CCDC197: variants seen among roughly 807,000 people sequenced by gnomAD.
CCDC197 encodes coiled-coil domain containing 197, also known as uncharacterized protein CCDC197.
In CCDC197, 24 loss-of-function variants were observed where a neutral mutation model predicts 13.4. The observed-to-expected ratio is 1.80, with a 90% CI of 1.30 to 2.53. CCDC197 has a LOEUF of 2.53. CCDC197 is among the 30% of genes most tolerant of loss of function. The pLI is 0.00. For synonymous variants in CCDC197, 99 were observed against 55.5 expected (o/e 1.78, Z -3.48); for missense variants, 255 against 148.8 (o/e 1.71, Z -3.71).
chr14:93,993,583 G>T (rs987282500), upstream of CCDC197, among the ~76,000 whole-genome samples: 2 of 152,244 alleles, frequency 1.3e-5, no homozygotes, highest in South Asian at 4.1e-4. Flanking sequence ...CTGAGGAAGG[G>T]CCGGCCTTGG....
In CCDC197 at chr14:94,003,548, GAC is replaced by G. The variant is rs34402816; in HGVS notation, c.498+200_498+201del. 0.22 allele frequency among the ~76,000 whole-genome samples: 32,529 copies of G among 148,460 alleles called. 4,200 individuals are homozygous for G. The highest frequency in any genetic ancestry group is 0.39 in the East Asian group (2,004 of 5,136). On this transcript the variant is annotated intron_variant, in intron 5 of 6. Transcript: ENST00000636493. This position sits in a 1 kb window ranked among gnomAD's most constrained non-coding sequence, Gnocchi z 5.0. Reference sequence around the variant, plus strand: ...AGACATAGTCACAGCCAGACACATAGACACACAGACACAACCAGACATATAGA... The same window carrying G: ...AGACATAGTCACAGCCAGACACATAGACACAGACACAACCAGACATATAGA...
At position 94,003,498 on chromosome 14, in the gene CCDC197, C is replaced by T. The variant is rs1890594144; in HGVS notation, c.498+144C>T. 1 of 619,796 alleles carries T rather than the reference C, an allele frequency of 1.6e-6. No homozygotes were observed. Among genetic ancestry groups the T allele is most frequent in the African/African-American group, 1.8e-5 (1 of 55,052 alleles). 38.4% of individuals were successfully genotyped at this position (619,796 alleles called of 1,614,324 possible). A position where few individuals can be genotyped will look rare whatever the true frequency, so the allele number is the denominator to read the frequency against. On this transcript the variant is annotated intron_variant, in intron 5 of 6. Transcript: ENST00000636493. This position sits in a 1 kb window ranked among gnomAD's most constrained non-coding sequence, Gnocchi z 5.0. ...CCAGACACATAGACACACAGGCACA[C>T]ACACAGCCAGACACACACACCCACA...
chr14:94,008,578 T>C (rs1253830048), intron 6 of CCDC197, 31 bp from the exon 7 acceptor site: 2 of 693,622 alleles, frequency 2.9e-6, no homozygotes, highest in Non-Finnish European at 2.7e-6. Flanking sequence ...GCCAAAACAC[T>C]GTCAGGTGAG....
chr14:93,988,021 G>A (rs1195769142), intron 1 of CCDC197, among the ~76,000 whole-genome samples: 1 of 131,352 alleles, frequency 7.6e-6, no homozygotes, highest in African/African-American at 3.0e-5. Flanking sequence ...AGTGAGAGGA[G>A]GGGTGAGGCC....
intron 6 of CCDC197, among the ~76,000 whole-genome samples, chr14:94,008,246 A>G (rs1350657841): frequency 6.6e-6 from 1 of 152,208 alleles, no homozygotes; most frequent in Non-Finnish European, 1.5e-5. Context: ...CAGGAGATGG[A>G]GGCCCATCTG....
chr14:94,003,613 A>G lies in CCDC197; in HGVS notation c.498+259A>G, dbSNP rs1294339058. 2.2e-5 allele frequency among the ~76,000 whole-genome samples: 2 copies of G among 89,544 alleles called. No homozygotes were observed. The highest frequency in any genetic ancestry group is 6.2e-5 in the African/African-American group (2 of 32,216). 58.7% of individuals were successfully genotyped at this position (89,544 alleles called of 152,430 possible). A position where few individuals can be genotyped will look rare whatever the true frequency, so the allele number is the denominator to read the frequency against. Reference sequence around the variant, plus strand: ...GACACATACACACAAATGCACAGACACACACAGACACACACACAGACATGC... The same window carrying G: ...GACACATACACACAAATGCACAGACGCACACAGACACACACACAGACATGC... On this transcript the variant is annotated intron_variant, in intron 5 of 6. Coordinates refer to ENST00000636493, the MANE Select transcript of CCDC197 (RefSeq NM_001351596.2). The surrounding 1 kb of genome is among the most constrained non-coding windows in gnomAD (Gnocchi z 5.0).
At chr14:93,998,856 C>G (rs1890402392) in intron 2 of CCDC197, among the ~76,000 whole-genome samples, 2 of 152,192 alleles carry the variant, frequency 1.3e-5, no homozygotes, top group Admixed American at 1.3e-4. Context: ...CCCAGAGAAG[C>G]AGAGGGGCTT....
downstream of CCDC197, among the ~76,000 whole-genome samples, chr14:94,009,606 G>A (rs1160069586): frequency 6.6e-6 from 1 of 152,168 alleles, no homozygotes; most frequent in Non-Finnish European, 1.5e-5. Flanking sequence ...GCACACACCT[G>A]TGATTCCAGC....
chr14:94,004,417 C>T (rs908930847), intron 5 of CCDC197, among the ~76,000 whole-genome samples: 1 of 152,122 alleles, frequency 6.6e-6, no homozygotes, highest in African/African-American at 2.4e-5. Flanking sequence ...GGGCTATTGG[C>T]TGCTGACCTC....
At chr14:94,000,361 A>G (rs1397152768) in intron 3 of CCDC197, among the ~76,000 whole-genome samples, 4 of 152,186 alleles carry the variant, frequency 2.6e-5, no homozygotes, top group African/African-American at 7.2e-5. Flanking sequence ...CACTGGGCTC[A>G]GACTCTGGTC....
chr14:93,990,766 G>T (rs995012172), intron 1 of CCDC197, among the ~76,000 whole-genome samples: 1 of 152,228 alleles, frequency 6.6e-6, no homozygotes, highest in African/African-American at 2.4e-5. Context: ...GCAGAAAAAG[G>T]CCACAGATGC....
chr14:94,004,956 G>T lies in CCDC197; in HGVS notation c.600G>T (p.Lys200Asn), dbSNP rs760854707. 4 of 702,698 alleles carry T rather than the reference G, an allele frequency of 5.7e-6. No individual in the cohort carries two copies. The highest frequency in any genetic ancestry group is 1.0e-5 in the Non-Finnish European group (4 of 384,898). The allele number at this position is 702,698 out of a possible 1,614,324, so 43.5% of individuals were successfully genotyped here. The change falls in exon 6 of 7, where the codon AAG (lysine) becomes AAT (asparagine). Residue 200 changes from lysine to asparagine, a missense_variant. Lys to Asn is a moderately conservative substitution (Grantham distance 94). Transcript: ENST00000636493. ...GVPKSMDLFS[K>N]LDLIKEFMLD... is the part of the protein sequence containing the mutation. ...CCAAGAGCATGGATCTCTTCTCCAA[G>T]CTCGATCTGATTAAGGTAAGGATAG...
At chr14:93,997,031 T>A (rs143155110), upstream of CCDC197, among the ~76,000 whole-genome samples, 1 of 151,824 alleles carries the variant, frequency 6.6e-6, no homozygotes. Context: ...CCGGGACAGG[T>A]CAATTGGAAC....
intron 6 of CCDC197, among the ~76,000 whole-genome samples, chr14:94,006,178 T>C (rs745592399): frequency 1.3e-5 from 2 of 152,160 alleles, no homozygotes; most frequent in Non-Finnish European, 2.9e-5. Context: ...TTGTCAACTT[T>C]TTCTAATTTA....
rs150696357 is a variant in CCDC197, at chr14:94,003,453, G to A, written c.498+99G>A. On this transcript the variant is annotated intron_variant, in intron 5 of 6. Transcript: ENST00000636493. This position sits in a 1 kb window ranked among gnomAD's most constrained non-coding sequence, Gnocchi z 5.0. The stretch of plus-strand genomic sequence containing the variant: ...CCAAAACACACAGACACATACGCAC[G>A]CAGACACACACACACAGAGCCAGAC... 3.9e-4 allele frequency: 247 copies of A among 641,528 alleles called. 1 individual carries two copies. Among genetic ancestry groups the A allele is most frequent in the African/African-American group, 3.6e-3 (201 of 56,000 alleles). 39.7% of individuals were successfully genotyped at this position (641,528 alleles called of 1,614,324 possible).
chr14:93,998,909 C>T (rs916371062), intron 2 of CCDC197, among the ~76,000 whole-genome samples: 2 of 152,240 alleles, frequency 1.3e-5, no homozygotes, highest in Non-Finnish European at 1.5e-5. Context: ...CCCTGTTGGA[C>T]AGTCAGAGTG....
At chr14:94,001,477 C>T in intron 4 of CCDC197, 154 bp downstream of exon 4, 1 of 551,278 alleles carries the variant, frequency 1.8e-6, no homozygotes, top group Non-Finnish European at 3.2e-6. Flanking sequence ...GAGCCGCCTT[C>T]CATATCCCCT....
chr14:93,994,794 C>G (rs1392007178), upstream of CCDC197, among the ~76,000 whole-genome samples: 1 of 152,180 alleles, frequency 6.6e-6, no homozygotes, highest in Non-Finnish European at 1.5e-5. Context: ...GCATCTGCTT[C>G]CGGCCAGAGG....
intron 2 of CCDC197, among the ~76,000 whole-genome samples, chr14:93,999,141 C>A (rs989547206): frequency 6.6e-6 from 1 of 152,194 alleles, no homozygotes; most frequent in African/African-American, 2.4e-5. Context: ...GGGAGCCCCA[C>A]GCATGACCCT....
Sources: gnomAD v4.1 joint callset for allele counts (sites outside exome capture counted in the v4.1 genomes callset) on GRCh38, gnomAD v4.1.1 for gene constraint, Gnocchi (gnomAD v3.1) non-coding constraint, MANE v1.5 for transcripts, NCBI Gene and HGNC (gene_info 2026-07-23, HGNC 2026-07-21) for gene names.